Variants in MAP7 observed in about 807,000 individuals in gnomAD.
The protein encoded by MAP7 is microtubule associated protein 7.
In MAP7, 52 loss-of-function variants were observed where a neutral mutation model predicts 94.8. The ratio of observed to expected loss-of-function variants is 0.55; its 90% CI spans 0.44 to 0.69. The LOEUF is 0.69. MAP7 is among the 30% of genes least tolerant of loss of function. The probability of loss-of-function intolerance (pLI) is 0.00; values close to 1 mark genes in which losing one functional copy is unlikely to be tolerated. For synonymous variants in MAP7, 350 were observed against 357.0 expected (o/e 0.98, Z 0.22); for missense variants, 940 against 964.6 (o/e 0.97, Z 0.34).
intron 1 of MAP7, among the ~76,000 whole-genome samples, chr6:136,425,980 C>T (rs1346352098): frequency 6.6e-6 from 1 of 152,170 alleles, no homozygotes; most frequent in Admixed American, 6.6e-5. Context: ...TCTACCACTT[C>T]TTTTTCCTTT....
At chr6:136,530,172 A>T (rs1036377502) in intron 1 of MAP7, among the ~76,000 whole-genome samples, 1 of 152,268 alleles carries the variant, frequency 6.6e-6, no homozygotes, top group African/African-American at 2.4e-5. Context: ...AGTGAGCTTT[A>T]CAAAAACATT....
intron 2 of MAP7, among the ~76,000 whole-genome samples, chr6:136,412,723 T>C (rs1002728107): frequency 6.6e-6 from 1 of 151,942 alleles, no homozygotes; most frequent in African/African-American, 2.4e-5. Flanking sequence ...ATACTCTGAG[T>C]GAGACATGGG....
chr6:136,493,764 A>G (rs566067115), intron 1 of MAP7, among the ~76,000 whole-genome samples: 42 of 151,972 alleles, frequency 2.8e-4, no homozygotes, highest in African/African-American at 8.9e-4. Flanking sequence ...ATTTTTCAAA[A>G]CTCTCAGACA....
At chr6:136,496,935 CA>C (rs1185554410) in intron 1 of MAP7, among the ~76,000 whole-genome samples, 3 of 151,374 alleles carry the variant, frequency 2.0e-5, no homozygotes, top group African/African-American at 7.3e-5. Flanking sequence ...ACCTGGGCAA[CA>C]GGGCGAGACT....
In MAP7 at chr6:136,383,731, G is replaced by C. The variant is rs368278323; in HGVS notation, c.577C>G (p.Pro193Ala). Residue 193 changes from proline (P) to alanine (A), a missense_variant, in exon 6 of 18, where the codon CCC becomes GCC. By Grantham distance (27) the Pro-to-Ala change is conservative. Coordinates refer to ENST00000354570, the MANE Select transcript of MAP7 (RefSeq NM_003980.6). Reference protein sequence around the residue: ...STMNLSKYVDPVISKRLSSSS... With the variant: ...STMNLSKYVDAVISKRLSSSS... The stretch of plus-strand genomic sequence containing the variant: ...GAGGAGAGCCGCTTGCTAATGACGG[G>C]ATCAACATATTTCGAAAGATTCATG... 2.5e-6 allele frequency: 4 copies of C among 1,611,198 alleles called. No homozygotes were observed. Among genetic ancestry groups the C allele is most frequent in the African/African-American group, 2.7e-5 (2 of 74,742 alleles).
chr6:136,393,895 C>A, intron 3 of MAP7, among the ~76,000 whole-genome samples: 1 of 151,246 alleles, frequency 6.6e-6, no homozygotes, highest in Non-Finnish European at 1.5e-5. Context: ...CCTGTCTCAG[C>A]CCCCTGAGTG....
intron 1 of MAP7, among the ~76,000 whole-genome samples, chr6:136,502,811 T>C (rs1054167870): frequency 1.3e-5 from 2 of 152,058 alleles, no homozygotes; most frequent in African/African-American, 4.8e-5. Context: ...ATGAATAGAG[T>C]GCACAGAATA....
At chr6:136,491,931 G>A (rs1562458592) in intron 1 of MAP7, among the ~76,000 whole-genome samples, 3 of 152,186 alleles carry the variant, frequency 2.0e-5, no homozygotes. Flanking sequence ...TTAATCATCT[G>A]TATCTCAACA....
intron 2 of MAP7, chr6:136,420,024 T>C (rs980049869): frequency 6.0e-6 from 5 of 829,862 alleles, no homozygotes; most frequent in Non-Finnish European, 1.1e-5. Flanking sequence ...CCACCACCAC[T>C]TGATGCTGAT....
At chr6:136,377,690 T>C in intron 7 of MAP7, 65 bp downstream of exon 7, 2 of 1,213,158 alleles carry the variant, frequency 1.6e-6, no homozygotes, top group Admixed American at 1.7e-5. Flanking sequence ...GAGATGTGAT[T>C]AGACGAATAT....
At chr6:136,356,671 T>A in intron 16 of MAP7, 21 bp downstream of exon 16, 1 of 1,579,494 alleles carries the variant, frequency 6.3e-7, no homozygotes. Context: ...TTTACTTTAA[T>A]GAATGTCAGT....
chr6:136,483,148 G>C, intron 1 of MAP7, among the ~76,000 whole-genome samples: 1 of 128,000 alleles, frequency 7.8e-6, no homozygotes, highest in Middle Eastern at 4.4e-3. Flanking sequence ...AAAAAAAAAA[G>C]AAAAGAAAAT....
intron 1 of MAP7, among the ~76,000 whole-genome samples, chr6:136,461,140 C>T (rs919390823): frequency 9.9e-5 from 15 of 152,094 alleles, no homozygotes; most frequent in Admixed American, 2.0e-4. Flanking sequence ...GAAGTATTTA[C>T]GAAAACTCCA....
chr6:136,507,489 A>AG (rs1212126248), intron 1 of MAP7, among the ~76,000 whole-genome samples: 41 of 151,874 alleles, frequency 2.7e-4, no homozygotes, highest in Admixed American at 5.2e-4. Context: ...AAAAAAAAAA[A>AG]AAAGAAAAAA....
At chr6:136,399,388 A>C (rs9389387) in intron 3 of MAP7, among the ~76,000 whole-genome samples, 8,167 of 152,210 alleles carry the variant, frequency 0.054, 485 homozygotes, top group African/African-American at 0.14. Context: ...TCTGTAACTC[A>C]GGCTGAAGTA....
At chr6:136,405,093 A>G (rs1785191957) in intron 3 of MAP7, among the ~76,000 whole-genome samples, 1 of 152,240 alleles carries the variant, frequency 6.6e-6, no homozygotes, top group African/African-American at 2.4e-5. Context: ...ATACTTTGGT[A>G]ACGTTTTAAC....
chr6:136,512,278 G>C (rs889093110), intron 1 of MAP7, among the ~76,000 whole-genome samples: 1 of 152,376 alleles, frequency 6.6e-6, no homozygotes, highest in East Asian at 1.9e-4. Flanking sequence ...ATCTGGCTTA[G>C]CACCCATGGA....
intron 6 of MAP7, among the ~76,000 whole-genome samples, chr6:136,381,478 C>A (rs925580649): frequency 6.6e-6 from 1 of 152,070 alleles, no homozygotes; most frequent in Non-Finnish European, 1.5e-5. Flanking sequence ...CTGTGCCTGG[C>A]CTTAAATTTC....
intron 1 of MAP7, among the ~76,000 whole-genome samples, chr6:136,514,580 C>CAAA (rs1046225937): frequency 3.7e-4 from 18 of 49,026 alleles, no homozygotes; most frequent in Admixed American, 5.0e-4. Context: ...GACTCTGTCT[C>CAAA]AAAAAAAAAA....
Sources: gnomAD v4.1 joint callset for allele counts (sites outside exome capture counted in the v4.1 genomes callset) on GRCh38, gnomAD v4.1.1 for gene constraint, MANE v1.5 for transcripts, NCBI Gene and HGNC (gene_info 2026-07-23, HGNC 2026-07-21) for gene names.